Variants in UGGT2 observed in about 807,000 individuals in gnomAD.
The protein encoded by UGGT2 is UDP-glucose:glycoprotein glucosyltransferase 2.
A neutral mutation model predicts 192.1 loss-of-function variants in UGGT2; 180 were observed. The observed-to-expected ratio is 0.94, with a 90% CI of 0.83 to 1.06. UGGT2 has a LOEUF of 1.06. UGGT2 is among the 50% of genes least tolerant of loss of function. The pLI is 0.00. For synonymous variants in UGGT2, 580 were observed against 591.0 expected (o/e 0.98, Z 0.27); for missense variants, 1,849 against 1,795.7 (o/e 1.03, Z -0.54).
chr13:96,007,090 T>C (rs1052164080), intron 5 of UGGT2, among the ~76,000 whole-genome samples: 1 of 152,168 alleles, frequency 6.6e-6, no homozygotes, highest in African/African-American at 2.4e-5. Flanking sequence ...AAAAAGATCA[T>C]GCACCATGAT....
chr13:95,823,187 A>T (rs950179684), intron 38 of UGGT2, among the ~76,000 whole-genome samples: 15 of 151,986 alleles, frequency 9.9e-5, no homozygotes, highest in African/African-American at 3.6e-4. Flanking sequence ...AAATTTATTG[A>T]GACTTGTTTT....
At position 95,941,966 on chromosome 13, in the gene UGGT2, C is replaced by A. The variant is rs1233498150; in HGVS notation, c.1678-1875G>T. 2.0e-5 allele frequency among the ~76,000 whole-genome samples: 3 copies of A among 152,068 alleles called. No homozygotes were observed. In the East Asian group the frequency reaches 5.8e-4, roughly 29 times the overall value. On this transcript the variant is annotated intron_variant, in intron 15 of 38. Coordinates refer to ENST00000376747, the MANE Select transcript of UGGT2 (RefSeq NM_020121.4). ...AGAGTTTTATGCGAATACGTATTCC[C>A]ATACTTAGTTTTGTTTGCTTCTGAG...
chr13:95,926,308 G>A (rs1460825881), intron 19 of UGGT2, among the ~76,000 whole-genome samples: 1 of 152,028 alleles, frequency 6.6e-6, no homozygotes, highest in Non-Finnish European at 1.5e-5. Context: ...TGTGGCCTTT[G>A]CTTTAAATCT....
At chr13:96,009,828 G>A (rs1030762011) in intron 5 of UGGT2, among the ~76,000 whole-genome samples, 1 of 127,002 alleles carries the variant, frequency 7.9e-6, no homozygotes. Context: ...TAAATAAAGT[G>A]AGCAAAGGAC....
intron 7 of UGGT2, among the ~76,000 whole-genome samples, chr13:95,994,854 A>G (rs2051569307): frequency 6.6e-6 from 1 of 152,074 alleles, no homozygotes; most frequent in African/African-American, 2.4e-5. Context: ...TTGTTGTTTC[A>G]TGTCTTTGAG....
chr13:95,847,396 A>G (rs1888579306), intron 36 of UGGT2, among the ~76,000 whole-genome samples: 1 of 152,198 alleles, frequency 6.6e-6, no homozygotes, highest in Non-Finnish European at 1.5e-5. Context: ...AATGACATGT[A>G]TCTACCACTA....
At chr13:95,841,353 A>C (rs2139946696) in intron 36 of UGGT2, among the ~76,000 whole-genome samples, 1 of 152,302 alleles carries the variant, frequency 6.6e-6, no homozygotes, top group Non-Finnish European at 1.5e-5. Flanking sequence ...AGGTTCTGGC[A>C]GGGAAGCGCA....
intron 33 of UGGT2, chr13:95,856,621 A>G (rs1281367999): frequency 6.9e-6 from 3 of 432,206 alleles, no homozygotes; most frequent in Non-Finnish European, 1.3e-5. Context: ...AAATGTTCCC[A>G]TACTTTTATT....
At chr13:95,895,123 C>T (rs1047591172) in intron 23 of UGGT2, 57 bp downstream of exon 23, 3 of 1,498,090 alleles carry the variant, frequency 2.0e-6, no homozygotes, top group Non-Finnish European at 1.8e-6. Flanking sequence ...ATCTTAAAAA[C>T]ATTAGACTCA....
intron 12 of UGGT2, among the ~76,000 whole-genome samples, chr13:95,955,009 T>C (rs768704376): frequency 6.6e-6 from 1 of 152,220 alleles, no homozygotes; most frequent in African/African-American, 2.4e-5. Flanking sequence ...CTATGCCCGA[T>C]GTCTTACAAG....
At chr13:95,838,929 T>C (rs1887578941) in intron 36 of UGGT2, among the ~76,000 whole-genome samples, 1 of 152,120 alleles carries the variant, frequency 6.6e-6, no homozygotes, top group South Asian at 2.1e-4. Flanking sequence ...TTTGACCCCT[T>C]GGAACCTCCA....
At chr13:95,845,735 G>C (rs1409026622) in intron 36 of UGGT2, among the ~76,000 whole-genome samples, 2 of 152,090 alleles carry the variant, frequency 1.3e-5, no homozygotes, top group East Asian at 1.9e-4. Context: ...TCACTTCCCA[G>C]ACGGGGTGGC....
chr13:96,050,188 C>A (rs556624855), intron 1 of UGGT2, among the ~76,000 whole-genome samples: 6 of 152,216 alleles, frequency 3.9e-5, no homozygotes, highest in Admixed American at 2.0e-4. Flanking sequence ...CATCTACAAC[C>A]ATCTGATCTT....
At chr13:95,990,096 G>GCTAC in intron 7 of UGGT2, 23 bp from the exon 8 acceptor site, 2 of 1,516,378 alleles carry the variant, frequency 1.3e-6, no homozygotes, top group Non-Finnish European at 1.8e-6. Context: ...ATTAAGTGAT[G>GCTAC]TTAAGTAGCA....
rs774477974 is a variant in UGGT2, at chr13:95,940,072, T to C, written c.1697A>G (p.Lys566Arg). ...GTCCACAGTGAGTATATTTTGATCC[T>C]TCTTCACTTTTTGGTACATCTGTGA... Reference protein sequence around the residue: ...SIVHMYQKVKKDQNILTVDNV... With the variant: ...SIVHMYQKVKRDQNILTVDNV... Residue 566 changes from lysine to arginine, a missense_variant, in exon 16 of 39, where the codon AAG becomes AGG. By Grantham distance (26) the Lys-to-Arg change is conservative. Coordinates refer to ENST00000376747, the MANE Select transcript of UGGT2 (RefSeq NM_020121.4). 4.6e-6 allele frequency: 7 copies of C among 1,524,148 alleles called. No homozygotes were observed. The East Asian group carries it at 1.7e-4, about 37-fold the overall frequency. 94.4% of individuals were successfully genotyped at this position (1,524,148 alleles called of 1,614,324 possible).
intron 4 of UGGT2, among the ~76,000 whole-genome samples, chr13:96,015,636 GAATT>G (rs2052312155): frequency 6.6e-6 from 1 of 152,140 alleles, no homozygotes. Flanking sequence ...GTGTTAAAGA[GAATT>G]AATACAAATT....
chr13:96,039,897 A>C (rs1358526152), intron 1 of UGGT2, among the ~76,000 whole-genome samples: 2 of 152,222 alleles, frequency 1.3e-5, no homozygotes, highest in African/African-American at 2.4e-5. Flanking sequence ...TTCAATGTTC[A>C]TATTTCTACT....
At chr13:95,814,402 T>C (rs1312497094) in intron 38 of UGGT2, among the ~76,000 whole-genome samples, 1 of 152,226 alleles carries the variant, frequency 6.6e-6, no homozygotes, top group Non-Finnish European at 1.5e-5. Context: ...GGAGATTATT[T>C]CGGAGCTTTA....
chr13:95,829,990 T>A (rs1204153978), intron 38 of UGGT2, among the ~76,000 whole-genome samples: 2 of 152,136 alleles, frequency 1.3e-5, no homozygotes, highest in Non-Finnish European at 2.9e-5. Context: ...TCTACAACCA[T>A]CTGATCTTTG....
Sources: gnomAD v4.1 joint callset for allele counts (sites outside exome capture counted in the v4.1 genomes callset) on GRCh38, gnomAD v4.1.1 for gene constraint, MANE v1.5 for transcripts, NCBI Gene and HGNC (gene_info 2026-07-23, HGNC 2026-07-21) for gene names.